The following FMNL3 variants were observed in gnomAD, a reference collection of about 807,000 sequenced individuals.
FMNL3 encodes the protein formin-like protein 3.
A neutral mutation model predicts 119.6 loss-of-function variants in FMNL3; 57 were observed. That is an observed-to-expected ratio of 0.48 (90% confidence interval 0.39 to 0.59). The LOEUF (loss-of-function observed/expected upper bound fraction) is 0.59. Ranked by LOEUF, FMNL3 falls within the 20% of genes least tolerant of loss-of-function variation. FMNL3 has a pLI of 0.00. For missense variants in FMNL3, 1,053 were observed against 1,323.5 expected (o/e 0.80, Z 3.17); for synonymous variants, 491 against 507.3 (o/e 0.97, Z 0.43).
In FMNL3 at chr12:49,641,727, T is replaced by A; in HGVS notation, c.*4088A>T. On this transcript the variant is annotated 3_prime_UTR_variant, in exon 26 of 26. Coordinates refer to ENST00000335154, the MANE Select transcript of FMNL3 (RefSeq NM_175736.5). ...GTGACATCCAAACCAAGGGTAGGCATGGGGGCTTAATTGTCAAGTGATGAG... is the reference window on the plus strand; with the variant it reads ...GTGACATCCAAACCAAGGGTAGGCAAGGGGGCTTAATTGTCAAGTGATGAG... The A allele has an allele frequency of 3.4e-6, 2 of 591,028 alleles. No homozygotes were observed. The highest frequency in any genetic ancestry group is 6.0e-6 in the Non-Finnish European group (2 of 331,862). The allele number at this position is 591,028 out of a possible 1,614,324, so 36.6% of individuals were successfully genotyped here.
chr12:49,654,161 C>G (rs1183459714), intron 11 of FMNL3, 31 bp downstream of exon 11: 2 of 1,589,508 alleles, frequency 1.3e-6, no homozygotes, highest in Non-Finnish European at 1.7e-6. Flanking sequence ...TCCCAAAGCA[C>G]CTCACCTTAC....
In FMNL3 at chr12:49,668,474, G is replaced by A. The variant is rs771352348; in HGVS notation, c.207C>T (p.Asp69=). 5.0e-6 allele frequency: 8 copies of A among 1,613,928 alleles called. No homozygotes were observed. In the South Asian group the frequency reaches 7.7e-5, roughly 16 times the overall value. The change falls in exon 2 of 26, where the codon GAC becomes GAT. Residue 69 remains aspartate (D), a synonymous_variant. Coordinates refer to ENST00000335154, the MANE Select transcript of FMNL3 (RefSeq NM_175736.5). ...TCCTCTTTCCCAAACCCCATACCTG[G>A]TCACAGATCAGATCCCATTTCTTCT... is the stretch of plus-strand genomic sequence containing the variant. ...DNEKKWDLIC[D]QERFQVKNPP...
chr12:49,651,852 C>A, intron 14 of FMNL3, 81 bp downstream of exon 14: 1 of 1,455,780 alleles, frequency 6.9e-7, no homozygotes, highest in South Asian at 1.5e-5. Context: ...CAGCTTCTCC[C>A]TGAGGAAGAC....
Position 49,652,191 on chromosome 12 carries a change from G to T in FMNL3, c.1345C>A (p.His449Asn). The change falls in exon 14 of 26, where the codon CAC becomes AAC. Residue 449 changes from histidine (H) to asparagine (N), a missense_variant. His to Asn is a moderately conservative substitution (Grantham distance 68). Coordinates refer to ENST00000335154, the MANE Select transcript of FMNL3 (RefSeq NM_175736.5). ...SIKETYENTS[H>N]QVHTLRRLIK... is the part of the protein sequence containing the mutation. Reference sequence around the variant, plus strand: ...AGCCTCCGCAGGGTGTGCACCTGGTGGCTTGTGTTCTCATATGTCTCCTGG... The same window carrying T: ...AGCCTCCGCAGGGTGTGCACCTGGTTGCTTGTGTTCTCATATGTCTCCTGG... 3 of 1,613,118 alleles carry T rather than the reference G, an allele frequency of 1.9e-6. No homozygotes were observed. Among genetic ancestry groups the T allele is most frequent in the Non-Finnish European group, 1.7e-6 (2 of 1,179,760 alleles).
At chr12:49,681,247 C>A (rs1371123195) in intron 1 of FMNL3, among the ~76,000 whole-genome samples, 1 of 152,260 alleles carries the variant, frequency 6.6e-6, no homozygotes, top group African/African-American at 2.4e-5. Flanking sequence ...GTCGCCCAGG[C>A]TGGAGCGCAG....
At chr12:49,665,047 A>G (rs1050033092) in intron 4 of FMNL3, among the ~76,000 whole-genome samples, 2 of 151,668 alleles carry the variant, frequency 1.3e-5, no homozygotes, top group African/African-American at 4.8e-5. Context: ...GTCCTTTTGC[A>G]TAAGCACACA....
rs1251715275 is a variant in FMNL3 at position 49,653,710 on chromosome 12, A to T, written c.1221+15T>A. On this transcript the variant is annotated intron_variant, in intron 12 of 25. Coordinates refer to ENST00000335154, the MANE Select transcript of FMNL3 (RefSeq NM_175736.5). ...CATCAACAGTGGCTCTGGCAGGCAA[A>T]GGAAGACCACCTACATGGGACACAT... 1 of 1,613,580 alleles carries T rather than the reference A, an allele frequency of 6.2e-7. No individual in the cohort carries two copies. The highest frequency in any genetic ancestry group is 8.5e-7 in the Non-Finnish European group (1 of 1,179,700).
intron 1 of FMNL3, among the ~76,000 whole-genome samples, chr12:49,668,785 T>C (rs1943960125): frequency 6.6e-6 from 1 of 152,204 alleles, no homozygotes; most frequent in Admixed American, 6.5e-5. Flanking sequence ...CAGTCAAAAT[T>C]AACTCTATTT....
chr12:49,637,546 G>T lies in FMNL3; in HGVS notation c.*8269C>A. 6.2e-7 allele frequency: 1 copy of T among 1,613,844 alleles called. No homozygotes were observed. Among genetic ancestry groups the T allele is most frequent in the Non-Finnish European group, 8.5e-7 (1 of 1,180,032 alleles). On this transcript the variant is annotated 3_prime_UTR_variant, in exon 26 of 26. Coordinates refer to ENST00000335154, the MANE Select transcript of FMNL3 (RefSeq NM_175736.5). ...TGGATGGAGCTATATCCAGCAGTCA[G>T]CACTGATGTCCGCTTTGCCAACATG...
At position 49,647,158 on chromosome 12, in the gene FMNL3, C is replaced by T; in HGVS notation, c.2871+118G>A. Reference sequence around the variant, plus strand: ...CCCTCCATCCCTCTGGATGCCAGCCCACTGGCCCTCTGGGTGGTCTGTCCA... The same window carrying T: ...CCCTCCATCCCTCTGGATGCCAGCCTACTGGCCCTCTGGGTGGTCTGTCCA... On this transcript the variant is annotated intron_variant, in intron 24 of 25. Coordinates refer to ENST00000335154, the MANE Select transcript of FMNL3 (RefSeq NM_175736.5). This position sits in a 1 kb window ranked among gnomAD's most constrained non-coding sequence, Gnocchi z 4.9. 1 of 1,541,064 alleles carries T rather than the reference C, an allele frequency of 6.5e-7. No homozygotes were observed. The highest frequency in any genetic ancestry group is 8.9e-7 in the Non-Finnish European group (1 of 1,123,898).
Position 49,653,705 on chromosome 12 carries a change from G to A in FMNL3, c.1221+20C>T. The A allele has an allele frequency of 6.2e-7, 1 of 1,613,398 alleles. No homozygotes were observed. The highest frequency in any genetic ancestry group is 8.5e-7 in the Non-Finnish European group (1 of 1,179,586). ...GCTTCCATCAACAGTGGCTCTGGCA[G>A]GCAAAGGAAGACCACCTACATGGGA... On this transcript the variant is annotated intron_variant, in intron 12 of 25. Transcript: ENST00000335154.
Position 49,653,872 on chromosome 12 carries a change from C to A in FMNL3, c.1074G>T (p.Lys358Asn). 6.2e-7 allele frequency: 1 copy of A among 1,614,140 alleles called. No individual in the cohort carries two copies. Among genetic ancestry groups the A allele is most frequent in the Non-Finnish European group, 8.5e-7 (1 of 1,180,020 alleles). Residue 358 changes from lysine (K) to asparagine (N), a missense_variant and splice_region_variant, in exon 12 of 26, where the codon AAG becomes AAT. By Grantham distance (94) the Lys-to-Asn change is moderately conservative. Coordinates refer to ENST00000335154, the MANE Select transcript of FMNL3 (RefSeq NM_175736.5). Reference protein sequence around the residue: ...TKLGLEEFLQKSRHTESEKLQ... With the variant: ...TKLGLEEFLQNSRHTESEKLQ... Reference sequence around the variant, plus strand: ...GCTTCTCGCTCTCTGTGTGCCTTGACTTCTGGGGGAAGAGCAGAGAGTAGG... The same window carrying A: ...GCTTCTCGCTCTCTGTGTGCCTTGAATTCTGGGGGAAGAGCAGAGAGTAGG...
intron 1 of FMNL3, among the ~76,000 whole-genome samples, chr12:49,677,818 C>A (rs551402613): frequency 3.3e-5 from 5 of 152,272 alleles, no homozygotes; most frequent in Non-Finnish European, 5.9e-5. Context: ...ACTGTGGAGT[C>A]AAGTAAGGTG....
In FMNL3 at chr12:49,637,664, G is replaced by A. The variant is rs920244892; in HGVS notation, c.*8151C>T. ...TCTGCACCCCCTACTACCGGCTCCT[G>A]TCCTCGGCCCAGCCCCCAGGCCTTG... On this transcript the variant is annotated 3_prime_UTR_variant, in exon 26 of 26. Coordinates refer to ENST00000335154, the MANE Select transcript of FMNL3 (RefSeq NM_175736.5). The A allele has an allele frequency of 5.8e-6, 9 of 1,553,762 alleles. No homozygotes were observed. Among genetic ancestry groups the A allele is most frequent in the South Asian group, 5.6e-5 (5 of 88,988 alleles).
At chr12:49,687,803 T>C (rs1256116543) in intron 1 of FMNL3, among the ~76,000 whole-genome samples, 1 of 152,204 alleles carries the variant, frequency 6.6e-6, no homozygotes, top group Non-Finnish European at 1.5e-5. Flanking sequence ...GAAGCAAGAC[T>C]GAATAATGCC....
chr12:49,644,459 TAA>T lies in FMNL3; in HGVS notation c.*1354_*1355del, dbSNP rs995081579. 12 of 466,512 alleles carry T rather than the reference TAA, an allele frequency of 2.6e-5. No individual in the cohort carries two copies. Among genetic ancestry groups the T allele is most frequent in the Non-Finnish European group, 4.4e-5 (11 of 251,220 alleles). The allele number at this position is 466,512 out of a possible 1,614,324, so 28.9% of individuals were successfully genotyped here. A position where few individuals can be genotyped will look rare whatever the true frequency, so the allele number is the denominator to read the frequency against. On this transcript the variant is annotated 3_prime_UTR_variant, in exon 26 of 26. Transcript: ENST00000335154. ...ATGTGGGGTGGGTGATGCCAGTAGATAAAAGTGTGAGAGAAGGGGTCTCCAGG... is the reference window on the plus strand; with the variant it reads ...ATGTGGGGTGGGTGATGCCAGTAGATAAGTGTGAGAGAAGGGGTCTCCAGG...
intron 10 of FMNL3, among the ~76,000 whole-genome samples, chr12:49,654,569 A>G (rs1308430144): frequency 2.0e-5 from 3 of 152,216 alleles, no homozygotes; most frequent in Non-Finnish European, 2.9e-5. Flanking sequence ...ATCAACAGGT[A>G]TTCCTCGAGA....
rs1195568076 is a variant in FMNL3 at position 49,641,038 on chromosome 12, G to A, written c.*4777C>T. Reference sequence around the variant, plus strand: ...AGGAGGTGAGAGCTATGTGGAGGGAGAGAAAGGGAATCTGGCCTGTGCTTA... The same window carrying A: ...AGGAGGTGAGAGCTATGTGGAGGGAAAGAAAGGGAATCTGGCCTGTGCTTA... On this transcript the variant is annotated 3_prime_UTR_variant, in exon 26 of 26. Transcript: ENST00000335154. 2 of 152,272 alleles carry A rather than the reference G, an allele frequency of 1.3e-5. No homozygotes were observed. The highest frequency in any genetic ancestry group is 2.9e-5 in the Non-Finnish European group (2 of 68,062). The allele number at this position is 152,272 out of a possible 1,614,324, so 9.4% of individuals were successfully genotyped here. A position where few individuals can be genotyped will look rare whatever the true frequency, so the allele number is the denominator to read the frequency against.
Position 49,636,693 on chromosome 12 carries a change from C to T in FMNL3, c.*9122G>A, listed in dbSNP as rs565351071. 49 of 1,613,280 alleles carry T rather than the reference C, an allele frequency of 3.0e-5. No homozygotes were observed. The highest frequency in any genetic ancestry group is 1.9e-4 in the South Asian group (17 of 91,080). On this transcript the variant is annotated 3_prime_UTR_variant, in exon 26 of 26. Coordinates refer to ENST00000335154, the MANE Select transcript of FMNL3 (RefSeq NM_175736.5). ...GGGTATCCTGCTGGGACAATGCCCG[C>T]GGAACCTCCTGCCTGTCTTTAGACA...
Sources: gnomAD v4.1 joint callset for allele counts (sites outside exome capture counted in the v4.1 genomes callset) on GRCh38, gnomAD v4.1.1 for gene constraint, Gnocchi (gnomAD v3.1) non-coding constraint, MANE v1.5 for transcripts, NCBI Gene and HGNC (gene_info 2026-07-23, HGNC 2026-07-21) for gene names.